The following RASGRP2 variants were observed in gnomAD, a reference collection of about 807,000 sequenced individuals.
The protein encoded by RASGRP2 is RAS guanyl-releasing protein 2.
RASGRP2 carries 44 observed loss-of-function variants against 71.0 expected under a neutral mutation model. The ratio of observed to expected loss-of-function variants is 0.62; its 90% CI spans 0.49 to 0.80. The LOEUF (loss-of-function observed/expected upper bound fraction) is 0.80. Among genes scored for constraint, RASGRP2 ranks in the 30% least tolerant of loss-of-function variants. RASGRP2 has a pLI of 0.00. For synonymous variants in RASGRP2, 350 were observed against 330.7 expected (o/e 1.06, Z -0.63); for missense variants, 663 against 813.4 (o/e 0.82, Z 2.25).
At chr11:64,732,939 A>G (rs1207181) in intron 12 of RASGRP2, among the ~76,000 whole-genome samples, 115,100 of 151,492 alleles carry the variant, frequency 0.76, 46,026 homozygotes, top group Non-Finnish European at 0.9. Context: ...AACAAAGAGC[A>G]AAACTCCGTC....
chr11:64,745,111 G>C (rs1409304582), upstream of RASGRP2: 1 of 151,960 alleles, frequency 6.6e-6, no homozygotes, highest in Admixed American at 6.5e-5. Context: ...GACGCGGAGG[G>C]GGGACCGAAA....
chr11:64,740,210 T>G (rs1335290939), intron 5 of RASGRP2, 47 bp from the exon 6 acceptor site: 1 of 1,611,136 alleles, frequency 6.2e-7, no homozygotes. Flanking sequence ...TGCGCATGAC[T>G]CGTGGCCCCC....
chr11:64,740,045 A>T lies in RASGRP2; in HGVS notation c.490T>A (p.Tyr164Asn). The change falls in exon 6 of 17, where the codon TAC (tyrosine) becomes AAC (asparagine). Residue 164 changes from tyrosine (Y) to asparagine (N), a missense_variant. Coordinates refer to ENST00000394432, the MANE Select transcript of RASGRP2 (RefSeq NM_001098671.2). Reference sequence around the variant, plus strand: ...TTGCAGAAGGAGCGATACTCCAAGTAGGTGAGATGCTCCGCCAGCTCCATG... The same window carrying T: ...TTGCAGAAGGAGCGATACTCCAAGTTGGTGAGATGCTCCGCCAGCTCCATG... ...EPMELAEHLTYLEYRSFCKIL... is the reference protein window; with the variant it reads ...EPMELAEHLTNLEYRSFCKIL... 1.9e-6 allele frequency: 3 copies of T among 1,614,160 alleles called. No homozygotes were observed. The highest frequency in any genetic ancestry group is 1.7e-6 in the Non-Finnish European group (2 of 1,180,014).
At chr11:64,741,312 C>T (rs907500110) in intron 4 of RASGRP2, 127 bp downstream of exon 4, 1 of 1,177,356 alleles carries the variant, frequency 8.5e-7, no homozygotes, top group Non-Finnish European at 1.2e-6. Context: ...GGCAGCACTG[C>T]CCACCCGGAC....
chr11:64,743,132 C>T lies in RASGRP2; in HGVS notation c.-71-195G>A. 1 of 680,664 alleles carries T rather than the reference C, an allele frequency of 1.5e-6. No individual in the cohort carries two copies. The highest frequency in any genetic ancestry group is 2.7e-6 in the Non-Finnish European group (1 of 376,908). The allele number at this position is 680,664 out of a possible 1,614,324, so 42.2% of individuals were successfully genotyped here. On this transcript the variant is annotated intron_variant, in intron 1 of 16. Transcript: ENST00000394432. This position sits in a 1 kb window ranked among gnomAD's most constrained non-coding sequence, Gnocchi z 4.9. ...GTTGGGAAACGGACCCGCAGAGAGG[C>T]TTCCGGCCCACCCTCGGAGTCGCGG...
At position 64,742,049 on chromosome 11, in the gene RASGRP2, T is replaced by A; in HGVS notation, c.137A>T (p.Tyr46Phe). ...GGCCGCCAGCTGAGAGGAGGGGATGTACCAGGGGTGCATCATGAGGAACAT... is the reference window on the plus strand; with the variant it reads ...GGCCGCCAGCTGAGAGGAGGGGATGAACCAGGGGTGCATCATGAGGAACAT... ...VRMFLMMHPW[Y>F]IPSSQLAAKL... The change falls in exon 3 of 17, where the codon TAC becomes TTC. Residue 46 changes from tyrosine (Y) to phenylalanine (F), a missense_variant. Physicochemically the swap from Tyr to Phe is conservative, Grantham distance 22. Transcript: ENST00000394432. This position sits in a 1 kb window ranked among gnomAD's most constrained non-coding sequence, Gnocchi z 4.7. 1 of 1,611,970 alleles carries A rather than the reference T, an allele frequency of 6.2e-7. No individual in the cohort carries two copies. The highest frequency in any genetic ancestry group is 2.2e-5 in the East Asian group (1 of 44,812).
At position 64,728,713 on chromosome 11, in the gene RASGRP2, G is replaced by A. The variant is rs527644659; in HGVS notation, c.1771+150C>T. 4.1e-4 allele frequency: 361 copies of A among 884,754 alleles called. 3 individuals are homozygous for A. In the African/African-American group the frequency reaches 5.5e-3, roughly 13 times the overall value. 54.8% of individuals were successfully genotyped at this position (884,754 alleles called of 1,614,324 possible). Reference sequence around the variant, plus strand: ...CTCCCAAAGTGCTGGGATTACAGGCGTGAGCCACCGCGCCCGGCCTGTCCC... The same window carrying A: ...CTCCCAAAGTGCTGGGATTACAGGCATGAGCCACCGCGCCCGGCCTGTCCC... On this transcript the variant is annotated intron_variant, in intron 15 of 16. Transcript: ENST00000394432.
At chr11:64,737,220 G>A (rs1416687309) in intron 8 of RASGRP2, 186 bp from the exon 9 acceptor site, 2 of 674,542 alleles carry the variant, frequency 3.0e-6, no homozygotes, top group African/African-American at 3.6e-5. Flanking sequence ...ATGAATTCAA[G>A]GCAATACTCA....
Position 64,742,084 on chromosome 11 carries a change from C to G in RASGRP2, c.102G>C (p.Gln34His). ...FDDSGKVRDP[Q>H]LVRMFLMMHP... ...GCATCATGAGGAACATGCGCACCAG[C>G]TGCGGGTCCCGCACCTTCCCGGAGT... Residue 34 changes from glutamine (Q) to histidine (H), a missense_variant, in exon 3 of 17, where the codon CAG becomes CAC. Gln to His is a conservative substitution (Grantham distance 24, BLOSUM62 0). Transcript: ENST00000394432. The surrounding 1 kb of genome is among the most constrained non-coding windows in gnomAD (Gnocchi z 4.7). The G allele has an allele frequency of 6.2e-7, 1 of 1,605,736 alleles. No individual in the cohort carries two copies. Among genetic ancestry groups the G allele is most frequent in the Non-Finnish European group, 8.5e-7 (1 of 1,176,078 alleles).
Position 64,740,943 on chromosome 11 carries a change from C to G in RASGRP2, c.371+5G>C, listed in dbSNP as rs372979935. On this transcript the variant is annotated splice_donor_5th_base_variant and intron_variant, in intron 5 of 16. Transcript: ENST00000394432. The stretch of plus-strand genomic sequence containing the variant: ...CCCCCAGCCCTCTGTGCTCCCCCCA[C>G]GCACACGCTGTCTATGTCGATTAGG... 1 of 1,613,990 alleles carries G rather than the reference C, an allele frequency of 6.2e-7. No individual in the cohort carries two copies. Among genetic ancestry groups the G allele is most frequent in the Non-Finnish European group, 8.5e-7 (1 of 1,179,986 alleles).
chr11:64,741,208 C>A (rs1000615019), intron 4 of RASGRP2, 129 bp from the exon 5 acceptor site: 3 of 1,268,540 alleles, frequency 2.4e-6, no homozygotes, highest in African/African-American at 3.0e-5. Context: ...CTCTTTCCTT[C>A]GCCACTCCAA....
At chr11:64,737,079 C>T (rs1565511488) in intron 8 of RASGRP2, 45 bp from the exon 9 acceptor site, 2 of 1,608,128 alleles carry the variant, frequency 1.2e-6, no homozygotes, top group Non-Finnish European at 1.7e-6. Context: ...AACTATCCTC[C>T]CTACCTCAGC....
chr11:64,733,381 G>A (rs542642219), intron 12 of RASGRP2, among the ~76,000 whole-genome samples: 20 of 144,480 alleles, frequency 1.4e-4, no homozygotes, highest in Admixed American at 1.4e-3. Context: ...CCCAACCAGG[G>A]CTTCCCCCTC....
In RASGRP2 at chr11:64,739,055, T is replaced by C. The variant is rs2058035339; in HGVS notation, c.813+305A>G. Among the ~76,000 whole-genome samples the C allele has an allele frequency of 2.0e-5, 3 of 151,676 alleles. No homozygotes were observed. The highest frequency in any genetic ancestry group is 6.6e-5 in the Admixed American group (1 of 15,218). Reference sequence around the variant, plus strand: ...CAGGAGGCTGAGGTGGGAGGATCGATTGAGCTCAGGAGTTCAAGGCTGCAG... The same window carrying C: ...CAGGAGGCTGAGGTGGGAGGATCGACTGAGCTCAGGAGTTCAAGGCTGCAG... On this transcript the variant is annotated intron_variant, in intron 8 of 16. Transcript: ENST00000394432. The surrounding 1 kb of genome is among the most constrained non-coding windows in gnomAD (Gnocchi z 4.2).
chr11:64,729,887 G>A, intron 13 of RASGRP2, 89 bp from the exon 14 acceptor site: 6 of 1,582,086 alleles, frequency 3.8e-6, no homozygotes, highest in Non-Finnish European at 5.2e-6. Flanking sequence ...TAGGGCTTTA[G>A]AGCCCGCCTC....
At chr11:64,744,494 G>A (rs574117315), upstream of RASGRP2, 491 of 180,374 alleles carry the variant, frequency 2.7e-3, 2 homozygotes, top group Non-Finnish European at 3.3e-3. Flanking sequence ...TGCCAAATGG[G>A]GGTACGCGGG....
At chr11:64,732,099 T>C (rs989857891) in intron 12 of RASGRP2, among the ~76,000 whole-genome samples, 8 of 152,140 alleles carry the variant, frequency 5.3e-5, no homozygotes, top group African/African-American at 1.9e-4. Context: ...TCTGCAGCTG[T>C]TCTAACGAAT....
Position 64,735,375 on chromosome 11 carries a change from C to A in RASGRP2, c.1297-148G>T, listed in dbSNP as rs910045635. 3.7e-6 allele frequency: 5 copies of A among 1,363,554 alleles called. No homozygotes were observed. The highest frequency in any genetic ancestry group is 5.2e-6 in the Non-Finnish European group (5 of 963,018). 84.5% of individuals were successfully genotyped at this position (1,363,554 alleles called of 1,614,324 possible). A position where few individuals can be genotyped will look rare whatever the true frequency, so the allele number is the denominator to read the frequency against. On this transcript the variant is annotated intron_variant, in intron 11 of 16. Coordinates refer to ENST00000394432, the MANE Select transcript of RASGRP2 (RefSeq NM_001098671.2). This position sits in a 1 kb window ranked among gnomAD's most constrained non-coding sequence, Gnocchi z 4.2. Reference sequence around the variant, plus strand: ...CACCCCCGTTCCATACCTCCACCCCCACCCTACCCAGGGGCACTTCAGCCC... The same window carrying A: ...CACCCCCGTTCCATACCTCCACCCCAACCCTACCCAGGGGCACTTCAGCCC...
At chr11:64,737,121 CAG>C (rs2057967753) in intron 8 of RASGRP2, 87 bp from the exon 9 acceptor site, 1 of 1,524,914 alleles carries the variant, frequency 6.6e-7, no homozygotes, top group African/African-American at 1.4e-5. Context: ...GAGGAGGAGT[CAG>C]GGTCAGGGAC....
Sources: gnomAD v4.1 joint callset for allele counts (sites outside exome capture counted in the v4.1 genomes callset) on GRCh38, gnomAD v4.1.1 for gene constraint, Gnocchi (gnomAD v3.1) non-coding constraint, MANE v1.5 for transcripts, NCBI Gene and HGNC (gene_info 2026-07-23, HGNC 2026-07-21) for gene names.